The following TENM3 variants were observed in gnomAD, a reference collection of about 807,000 sequenced individuals.
TENM3 encodes the protein teneurin-3.
In TENM3, 63 loss-of-function variants were observed where a neutral mutation model predicts 255.1. The ratio of observed to expected loss-of-function variants is 0.25; its 90% CI spans 0.20 to 0.30. The LOEUF (loss-of-function observed/expected upper bound fraction) is 0.30, where lower values mean the gene tolerates loss of function less well. Among genes scored for constraint, TENM3 ranks in the 10% least tolerant of loss-of-function variants. The pLI, the probability that TENM3 is intolerant of heterozygous loss-of-function variation, is 1.00. For missense variants in TENM3, 2,929 were observed against 3,461.1 expected (o/e 0.85, Z 3.86); for synonymous variants, 1,306 against 1,322.3 (o/e 0.99, Z 0.27).
chr4:181,553,331 T>C, the TENM3 span, among the ~76,000 whole-genome samples: 1 of 125,454 alleles, frequency 8.0e-6, no homozygotes, highest in African/African-American at 2.8e-5. Flanking sequence ...TATATATATA[T>C]ATATACACAC....
Position 182,272,563 on chromosome 4 carries a change from C to T in TENM3, c.-76+29087C>T, listed in dbSNP as rs1392071382. ...CACAAACTTTGTCAAGCTTAGGCCA[C>T]TGGTTTCCCGCAGAGGCAAGCTGTT... On this transcript the variant is annotated intron_variant, in intron 1 of 27. Transcript: ENST00000511685. Among the ~76,000 whole-genome samples, 5 of 152,324 alleles carry T rather than the reference C, an allele frequency of 3.3e-5. No homozygotes were observed. The South Asian group carries it at 8.3e-4, about 25-fold the overall frequency.
the TENM3 span, among the ~76,000 whole-genome samples, chr4:181,791,605 A>C: frequency 6.6e-6 from 1 of 152,200 alleles, no homozygotes; most frequent in Non-Finnish European, 1.5e-5. Flanking sequence ...TCTTTTCACC[A>C]GTCCAGCACA....
At chr4:181,953,211 G>A in the TENM3 span, among the ~76,000 whole-genome samples, 1 of 151,934 alleles carries the variant, frequency 6.6e-6, no homozygotes, top group Non-Finnish European at 1.5e-5. Context: ...ACTCCATGAA[G>A]TGGATGCTCT....
the TENM3 span, among the ~76,000 whole-genome samples, chr4:181,939,968 G>A: frequency 6.6e-6 from 1 of 152,182 alleles, no homozygotes; most frequent in Non-Finnish European, 1.5e-5. Context: ...ACAAGCAATT[G>A]ACTGAGTGGA....
At chr4:181,733,187 C>T in the TENM3 span, among the ~76,000 whole-genome samples, 1 of 152,060 alleles carries the variant, frequency 6.6e-6, no homozygotes, top group Non-Finnish European at 1.5e-5. Context: ...CCTTATTTTT[C>T]TTTGACTTCT....
chr4:182,045,847 G>A, the TENM3 span, among the ~76,000 whole-genome samples: 1 of 152,184 alleles, frequency 6.6e-6, no homozygotes, highest in East Asian at 1.9e-4. Flanking sequence ...CCAGGAGTTT[G>A]AGACCATCCG....
chr4:182,387,046 T>C (rs562344155), intron 3 of TENM3, among the ~76,000 whole-genome samples: 57 of 152,328 alleles, frequency 3.7e-4, no homozygotes, highest in Non-Finnish European at 6.5e-4. Flanking sequence ...AGTCTTTATA[T>C]CTAGCTCAGG....
the TENM3 span, among the ~76,000 whole-genome samples, chr4:182,022,083 C>T: frequency 6.6e-6 from 1 of 151,796 alleles, no homozygotes; most frequent in East Asian, 1.9e-4. Context: ...AATTGTTCTG[C>T]ACTCGTATGT....
the TENM3 span, among the ~76,000 whole-genome samples, chr4:181,974,712 T>A: frequency 1.3e-5 from 2 of 152,220 alleles, no homozygotes; most frequent in Non-Finnish European, 2.9e-5. Context: ...TCACTCTAAG[T>A]GGAATACATT....
chr4:181,766,234 T>A, the TENM3 span, among the ~76,000 whole-genome samples: 2 of 152,152 alleles, frequency 1.3e-5, no homozygotes, highest in Admixed American at 1.3e-4. Flanking sequence ...ATAAATCCTC[T>A]GCGCAAAAGC....
At chr4:182,546,438 T>TG (rs1032059612) in intron 3 of TENM3, among the ~76,000 whole-genome samples, 31 of 151,850 alleles carry the variant, frequency 2.0e-4, no homozygotes, top group Non-Finnish European at 2.1e-4. Flanking sequence ...ACCATTTTTT[T>TG]TTGTTGTTTG....
At chr4:181,468,132 C>CCAAAAAAA in the TENM3 span, among the ~76,000 whole-genome samples, 81,092 of 129,936 alleles carry the variant, frequency 0.62, 25,982 homozygotes, top group Non-Finnish European at 0.72. Context: ...CCCATCTGTA[C>CCAAAAAAA]AAAAAAAAAA....
At chr4:182,774,269 T>G (rs915607064) in intron 23 of TENM3, among the ~76,000 whole-genome samples, 41 of 152,232 alleles carry the variant, frequency 2.7e-4, no homozygotes, top group Non-Finnish European at 6.0e-4. Flanking sequence ...TTGACTCATT[T>G]TTTTTACCTG....
At chr4:181,879,098 T>C in the TENM3 span, among the ~76,000 whole-genome samples, 1 of 152,172 alleles carries the variant, frequency 6.6e-6, no homozygotes, top group African/African-American at 2.4e-5. Flanking sequence ...CCAGTAAATA[T>C]CTCTCTGGCA....
At chr4:181,614,805 C>A in the TENM3 span, among the ~76,000 whole-genome samples, 2,783 of 152,304 alleles carry the variant, frequency 0.018, 108 homozygotes, top group African/African-American at 0.064. Context: ...ACTTTGCAGC[C>A]ATAAGTAGCT....
At chr4:181,953,067 T>C in the TENM3 span, among the ~76,000 whole-genome samples, 2 of 152,322 alleles carry the variant, frequency 1.3e-5, no homozygotes, top group Non-Finnish European at 2.9e-5. Context: ...TACCTTTATT[T>C]TGTATACAAG....
At chr4:181,927,616 C>A in the TENM3 span, among the ~76,000 whole-genome samples, 1 of 152,214 alleles carries the variant, frequency 6.6e-6, no homozygotes, top group South Asian at 2.1e-4. Flanking sequence ...CTTAAACATT[C>A]CTGCCTGCCT....
At chr4:182,023,814 C>A in the TENM3 span, among the ~76,000 whole-genome samples, 6 of 152,108 alleles carry the variant, frequency 3.9e-5, no homozygotes, top group Non-Finnish European at 8.8e-5. Context: ...ATCATCTGTA[C>A]CAAAATCCAT....
At chr4:181,448,332 C>T in the TENM3 span, among the ~76,000 whole-genome samples, 1 of 146,634 alleles carries the variant, frequency 6.8e-6, no homozygotes, top group Non-Finnish European at 1.5e-5. Context: ...CCACTACGCC[C>T]GGCTAATTTT....
Sources: allele counts gnomAD v4.1 joint callset (sites outside exome capture counted in the v4.1 genomes callset), GRCh38; gene constraint gnomAD v4.1.1; transcripts MANE v1.5; gene names NCBI Gene and HGNC (gene_info 2026-07-23, HGNC 2026-07-21).